Variants in FHIT observed in about 807,000 individuals in gnomAD.
FHIT encodes bis(5'-adenosyl)-triphosphatase.
In FHIT, 19 loss-of-function variants were observed where a neutral mutation model predicts 17.9. The observed-to-expected ratio is 1.06, with a 90% CI of 0.74 to 1.56. The LOEUF is 1.56. Among genes scored for constraint, FHIT ranks in the 40% most tolerant of loss-of-function variants. The pLI, the probability that FHIT is intolerant of heterozygous loss-of-function variation, is 0.00. For synonymous variants in FHIT, 81 were observed against 69.7 expected (o/e 1.16, Z -0.81); for missense variants, 248 against 189.2 (o/e 1.31, Z -1.82).
intron 5 of FHIT, among the ~76,000 whole-genome samples, chr3:60,488,655 A>G (rs765911607): frequency 3.9e-5 from 6 of 152,154 alleles, no homozygotes; most frequent in South Asian, 4.1e-4. Context: ...TCTTTTAATT[A>G]CCAGTGTGAC....
At chr3:60,135,776 G>C (rs1158966678) in intron 5 of FHIT, among the ~76,000 whole-genome samples, 1 of 152,078 alleles carries the variant, frequency 6.6e-6, no homozygotes, top group Non-Finnish European at 1.5e-5. Context: ...TCAAAATGCT[G>C]ATCTTCTCAC....
intron 5 of FHIT, among the ~76,000 whole-genome samples, chr3:60,086,350 C>T (rs958595425): frequency 3.3e-5 from 5 of 152,104 alleles, no homozygotes; most frequent in African/African-American, 9.7e-5. Context: ...GACAAACATC[C>T]AAACCATAGC....
chr3:60,170,418 T>G (rs147733973), intron 5 of FHIT, among the ~76,000 whole-genome samples: 17 of 152,250 alleles, frequency 1.1e-4, no homozygotes, highest in African/African-American at 3.1e-4. Context: ...TGAAGTTACT[T>G]TGACATGCAT....
At chr3:60,354,089 T>A (rs370400265) in intron 5 of FHIT, among the ~76,000 whole-genome samples, 12 of 152,110 alleles carry the variant, frequency 7.9e-5, no homozygotes, top group African/African-American at 2.9e-4. Flanking sequence ...ATATAAAAAA[T>A]GGTATGTGAT....
In FHIT at chr3:59,920,418, A is replaced by G. The variant is rs368935204; in HGVS notation, c.348+1928T>C. 1.6e-4 allele frequency among the ~76,000 whole-genome samples: 24 copies of G among 152,330 alleles called. 1 individual carries two copies. The highest frequency in any genetic ancestry group is 1.0e-3 in the Admixed American group (16 of 15,310). Reference sequence around the variant, plus strand: ...ATCCTCCAAAATGTGGGAAGTAGAAACATGTGTTTTCTTTTCTGTGGGGCC... The same window carrying G: ...ATCCTCCAAAATGTGGGAAGTAGAAGCATGTGTTTTCTTTTCTGTGGGGCC... On this transcript the variant is annotated intron_variant, in intron 8 of 9. Transcript: ENST00000492590.
At chr3:61,053,879 A>G (rs1201386910) in intron 2 of FHIT, among the ~76,000 whole-genome samples, 1 of 152,182 alleles carries the variant, frequency 6.6e-6, no homozygotes, top group Non-Finnish European at 1.5e-5. Flanking sequence ...AAACAATTAG[A>G]AACTGGCACA....
chr3:60,139,058 G>A (rs536218501), intron 5 of FHIT, among the ~76,000 whole-genome samples: 14 of 152,264 alleles, frequency 9.2e-5, no homozygotes, highest in African/African-American at 3.4e-4. Flanking sequence ...AGATCACAGA[G>A]AATACAGAAA....
intron 2 of FHIT, among the ~76,000 whole-genome samples, chr3:61,069,575 C>T (rs1368118961): frequency 1.3e-5 from 2 of 152,112 alleles, no homozygotes; most frequent in Non-Finnish European, 2.9e-5. Flanking sequence ...TATTTTAATT[C>T]CTGCCCAACC....
At chr3:60,373,989 G>C (rs1469939287) in intron 5 of FHIT, among the ~76,000 whole-genome samples, 1 of 152,116 alleles carries the variant, frequency 6.6e-6, no homozygotes, top group Non-Finnish European at 1.5e-5. Flanking sequence ...TGGTGAATCT[G>C]GTTATTGCAA....
chr3:60,381,435 G>A (rs1008027505), intron 5 of FHIT, among the ~76,000 whole-genome samples: 2 of 151,514 alleles, frequency 1.3e-5, no homozygotes, highest in African/African-American at 4.8e-5. Flanking sequence ...CCGAGACCGT[G>A]CCATTGCACT....
At position 61,236,969 on chromosome 3, in the gene FHIT, T is replaced by C. The variant is rs571769361; in HGVS notation, c.-213+14332A>G. Among the ~76,000 whole-genome samples the C allele has an allele frequency of 1.5e-3, 235 of 152,284 alleles. 1 individual carries two copies. The highest frequency in any genetic ancestry group is 2.6e-3 in the Non-Finnish European group (176 of 68,020). The stretch of plus-strand genomic sequence containing the variant: ...GGGCCCATTTCCAATGGAATCCCCC[T>C]GAAATAGAATTAAAGATCAATGGAG... On this transcript the variant is annotated intron_variant, in intron 1 of 9. Coordinates refer to ENST00000492590, the MANE Select transcript of FHIT (RefSeq NM_002012.4).
At chr3:60,984,063 A>T (rs1372496629) in intron 3 of FHIT, among the ~76,000 whole-genome samples, 1 of 152,214 alleles carries the variant, frequency 6.6e-6, no homozygotes, top group Non-Finnish European at 1.5e-5. Flanking sequence ...CCAGCTCCAT[A>T]GCCCAGAAAT....
intron 5 of FHIT, among the ~76,000 whole-genome samples, chr3:60,521,412 T>TA (rs2035358882): frequency 1.3e-5 from 2 of 151,990 alleles, no homozygotes; most frequent in South Asian, 4.2e-4. Context: ...CACACCCAGC[T>TA]AATTTTTTGT....
intron 4 of FHIT, among the ~76,000 whole-genome samples, chr3:60,686,607 C>T (rs1356491535): frequency 6.6e-6 from 1 of 151,984 alleles, no homozygotes; most frequent in Non-Finnish European, 1.5e-5. Flanking sequence ...TTATCAAATT[C>T]ACTGACTGCT....
At chr3:60,678,960 T>C (rs376240006) in intron 4 of FHIT, among the ~76,000 whole-genome samples, 3 of 142,370 alleles carry the variant, frequency 2.1e-5, no homozygotes, top group Non-Finnish European at 3.0e-5. Context: ...TTTGAGTCCT[T>C]AAAAAAAAAA....
chr3:60,897,753 C>A (rs1022910929), intron 3 of FHIT, among the ~76,000 whole-genome samples: 1 of 152,164 alleles, frequency 6.6e-6, no homozygotes, highest in Non-Finnish European at 1.5e-5. Context: ...GTTTCCTCAG[C>A]AGGCCAGCTT....
chr3:59,791,076 T>C (rs1699536312), intron 8 of FHIT, among the ~76,000 whole-genome samples: 1 of 152,186 alleles, frequency 6.6e-6, no homozygotes, highest in Non-Finnish European at 1.5e-5. Context: ...GCCTGTTGTG[T>C]GTTGTTTCTT....
intron 4 of FHIT, among the ~76,000 whole-genome samples, chr3:60,665,689 G>A (rs1362618440): frequency 6.6e-6 from 1 of 151,868 alleles, no homozygotes; most frequent in Non-Finnish European, 1.5e-5. Context: ...GTTTCTTGTA[G>A]GCAGCATACA....
chr3:60,207,586 C>T (rs781288032), intron 5 of FHIT, among the ~76,000 whole-genome samples: 18 of 152,204 alleles, frequency 1.2e-4, no homozygotes, highest in Non-Finnish European at 1.6e-4. Flanking sequence ...GTCCCCCCGC[C>T]GACAAATCAT....
Sources: gnomAD v4.1 joint callset for allele counts (sites outside exome capture counted in the v4.1 genomes callset) on GRCh38, gnomAD v4.1.1 for gene constraint, MANE v1.5 for transcripts, NCBI Gene and HGNC (gene_info 2026-07-23, HGNC 2026-07-21) for gene names.